Variants in PTCRA observed in about 807,000 individuals in gnomAD.
The protein encoded by PTCRA is pre T-cell antigen receptor alpha.
Under a neutral mutation model 13.4 loss-of-function variants are expected in PTCRA, and 9 were observed. The ratio of observed to expected loss-of-function variants is 0.67; its 90% confidence interval spans 0.41 to 1.18. PTCRA has a LOEUF of 1.18. Among genes scored for constraint, PTCRA ranks in the 50% most tolerant of loss-of-function variants. PTCRA has a pLI of 0.01. For synonymous variants in PTCRA, 153 were observed against 161.9 expected (o/e 0.94, Z 0.42); for missense variants, 353 against 359.8 (o/e 0.98, Z 0.15).
chr6:42,925,194 C>T lies in PTCRA; in HGVS notation c.425-67C>T, dbSNP rs1336861374. The stretch of plus-strand genomic sequence containing the variant: ...GCAAGGGCAGAGGACAAGGCCCTCT[C>T]CGCCGTTCTCTCCTGGGGTAGGGGG... On this transcript the variant is annotated intron_variant, in intron 3 of 3. Coordinates refer to ENST00000304672, the MANE Select transcript of PTCRA (RefSeq NM_138296.3). The surrounding 1 kb of genome is among the most constrained non-coding windows in gnomAD (Gnocchi z 4.4). The T allele has an allele frequency of 2.0e-6, 3 of 1,515,622 alleles. No homozygotes were observed. The highest frequency in any genetic ancestry group is 2.6e-6 in the Non-Finnish European group (3 of 1,135,948). The allele number at this position is 1,515,622 out of a possible 1,614,324, so 93.9% of individuals were successfully genotyped here. A position where few individuals can be genotyped will look rare whatever the true frequency, so the allele number is the denominator to read the frequency against.
At chr6:42,920,305 G>A (rs1767091884) in intron 1 of PTCRA, among the ~76,000 whole-genome samples, 2 of 151,642 alleles carry the variant, frequency 1.3e-5, no homozygotes, top group Admixed American at 6.6e-5. Flanking sequence ...GGGCGACAGA[G>A]AGAGACTCCG....
At chr6:42,923,404 A>G in intron 2 of PTCRA, 57 bp downstream of exon 2, 1 of 1,535,506 alleles carries the variant, frequency 6.5e-7, no homozygotes, top group South Asian at 1.1e-5. Context: ...ACACACCAGG[A>G]TATGGTTGGA....
At position 42,916,067 on chromosome 6, in the gene PTCRA, G is replaced by C; in HGVS notation, c.-3G>C. On this transcript the variant is annotated 5_prime_UTR_variant, in exon 1 of 4. Transcript: ENST00000304672. Reference sequence around the variant, plus strand: ...CTGGGTCCTGCCTCCTTCCGAGTGGGCCATGGCCGGTACATGGCTGCTACT... The same window carrying C: ...CTGGGTCCTGCCTCCTTCCGAGTGGCCCATGGCCGGTACATGGCTGCTACT... The C allele has an allele frequency of 6.2e-7, 1 of 1,613,874 alleles. No homozygotes were observed. The highest frequency in any genetic ancestry group is 8.5e-7 in the Non-Finnish European group (1 of 1,179,868).
In PTCRA at chr6:42,923,035, G is replaced by A. The variant is rs768821077; in HGVS notation, c.67G>A (p.Gly23Ser). ...TACATGCTCTCTTGCAGGTGTGGGC[G>A]GCACACCCTTTCCTTCTCTGGCCCC... ...GCPALPTGVG[G>S]TPFPSLAPPI... is the part of the protein sequence containing the mutation. The change falls in exon 2 of 4, where the codon GGC becomes AGC. Residue 23 changes from glycine (G) to serine (S), a missense_variant. Gly to Ser is a moderately conservative substitution (Grantham distance 56). Coordinates refer to ENST00000304672, the MANE Select transcript of PTCRA (RefSeq NM_138296.3). The A allele has an allele frequency of 6.1e-5, 99 of 1,613,996 alleles. No homozygotes were observed. Among genetic ancestry groups the A allele is most frequent in the Non-Finnish European group, 8.1e-5 (95 of 1,180,006 alleles).
chr6:42,924,138 C>T, intron 2 of PTCRA, 91 bp from the exon 3 acceptor site: 1 of 1,162,966 alleles, frequency 8.6e-7, no homozygotes, highest in Non-Finnish European at 1.2e-6. Flanking sequence ...CGACACCCAC[C>T]CTGTGCCAGG....
intron 1 of PTCRA, among the ~76,000 whole-genome samples, chr6:42,920,188 C>T (rs533448060): frequency 1.3e-5 from 2 of 151,524 alleles, no homozygotes; most frequent in African/African-American, 2.4e-5. Flanking sequence ...GGCGTGTTGG[C>T]GGGCGCCTGT....
intron 1 of PTCRA, among the ~76,000 whole-genome samples, chr6:42,917,921 A>C (rs1766955995): frequency 6.6e-6 from 1 of 152,108 alleles, no homozygotes; most frequent in Admixed American, 6.6e-5. Context: ...ATAAATAAAT[A>C]AATACATACA....
Position 42,916,108 on chromosome 6 carries a change from G to A in PTCRA, c.39G>A (p.Gly13=). The part of the protein sequence containing the change: ...GTWLLLLLAL[G]CPALPTGVGG... ...GGCTGCTACTTCTCCTGGCCCTTGG[G>A]TGTCCAGCCCTACCCACAGGTGAGC... Residue 13 remains glycine (G), a synonymous_variant, in exon 1 of 4, where the codon GGG becomes GGA. Coordinates refer to ENST00000304672, the MANE Select transcript of PTCRA (RefSeq NM_138296.3). The A allele has an allele frequency of 6.2e-7, 1 of 1,614,046 alleles. No individual in the cohort carries two copies. Among genetic ancestry groups the A allele is most frequent in the Non-Finnish European group, 8.5e-7 (1 of 1,179,936 alleles).
intron 1 of PTCRA, among the ~76,000 whole-genome samples, chr6:42,920,636 A>G (rs1248178720): frequency 2.0e-5 from 3 of 151,876 alleles, no homozygotes; most frequent in East Asian, 2.0e-4. Context: ...CGTGTTAGCC[A>G]GGATGGTCTC....
intron 1 of PTCRA, among the ~76,000 whole-genome samples, chr6:42,919,156 C>G (rs573185990): frequency 6.7e-6 from 1 of 148,932 alleles, no homozygotes; most frequent in East Asian, 2.0e-4. Context: ...CCACCACGCC[C>G]GGCTAATTTT....
intron 1 of PTCRA, among the ~76,000 whole-genome samples, chr6:42,919,675 C>T (rs1213234546): frequency 6.8e-6 from 1 of 147,544 alleles, no homozygotes; most frequent in Non-Finnish European, 1.5e-5. Flanking sequence ...CATGATCATG[C>T]CATTGCACTC....
intron 1 of PTCRA, among the ~76,000 whole-genome samples, chr6:42,917,219 ATTATTATTAT>A (rs969643783): frequency 3.1e-5 from 4 of 129,204 alleles, no homozygotes; most frequent in African/African-American, 1.7e-4. Context: ...TATTATTATT[ATTATTATTAT>A]TATTTATTTT....
chr6:42,922,382 A>G (rs1000529191), intron 1 of PTCRA: 2 of 626,856 alleles, frequency 3.2e-6, no homozygotes, highest in Non-Finnish European at 5.7e-6. Context: ...AGGGGCTCGG[A>G]TATCATAGAC....
rs1338978736 is a variant in PTCRA, at chr6:42,925,115, C to G, written c.425-146C>G. 4 of 1,038,508 alleles carry G rather than the reference C, an allele frequency of 3.9e-6. No individual in the cohort carries two copies. In the African/African-American group the frequency reaches 6.4e-5, roughly 17 times the overall value. The allele number at this position is 1,038,508 out of a possible 1,614,324, so 64.3% of individuals were successfully genotyped here. A position where few individuals can be genotyped will look rare whatever the true frequency, so the allele number is the denominator to read the frequency against. ...AGGTATGTATTATTACCAGTAAGAA[C>G]GGAGGCTAGACACCGGGAAGGACTT... On this transcript the variant is annotated intron_variant, in intron 3 of 3. Coordinates refer to ENST00000304672, the MANE Select transcript of PTCRA (RefSeq NM_138296.3). The surrounding 1 kb of genome is among the most constrained non-coding windows in gnomAD (Gnocchi z 4.4).
In PTCRA at chr6:42,920,898, G is replaced by A. The variant is rs372020874; in HGVS notation, c.59-2129G>A. Reference sequence around the variant, plus strand: ...CTGCAACCTTTGCCCGGGTTCAAGCGATTCTTGTGCCTCAGTCTCCAGAGT... The same window carrying A: ...CTGCAACCTTTGCCCGGGTTCAAGCAATTCTTGTGCCTCAGTCTCCAGAGT... On this transcript the variant is annotated intron_variant, in intron 1 of 3. Transcript: ENST00000304672. Among the ~76,000 whole-genome samples, 299 of 150,488 alleles carry A rather than the reference G, an allele frequency of 2.0e-3. 4 individuals are homozygous for A. The highest frequency in any genetic ancestry group is 6.5e-3 in the African/African-American group (267 of 40,822).
intron 1 of PTCRA, among the ~76,000 whole-genome samples, chr6:42,916,443 C>T (rs1486530835): frequency 6.6e-6 from 1 of 152,178 alleles, no homozygotes; most frequent in Non-Finnish European, 1.5e-5. Flanking sequence ...TGAGAACAAA[C>T]TGGATGGACA....
At chr6:42,921,085 C>G (rs150380519) in intron 1 of PTCRA, among the ~76,000 whole-genome samples, 1 of 151,278 alleles carries the variant, frequency 6.6e-6, no homozygotes, top group Non-Finnish European at 1.5e-5. Flanking sequence ...GCATGAACCA[C>G]CACACCCAGC....
chr6:42,921,016 C>T (rs1234911073), intron 1 of PTCRA, among the ~76,000 whole-genome samples: 4 of 151,960 alleles, frequency 2.6e-5, no homozygotes, highest in African/African-American at 4.8e-5. Context: ...AGGGTGTTCT[C>T]GAACTCCTGA....
Position 42,925,167 on chromosome 6 carries a change from G to T in PTCRA, c.425-94G>T, listed in dbSNP as rs577264627. 2.0e-6 allele frequency: 3 copies of T among 1,467,208 alleles called. No homozygotes were observed. Among genetic ancestry groups the T allele is most frequent in the African/African-American group, 2.8e-5 (2 of 71,480 alleles). 90.9% of individuals were successfully genotyped at this position (1,467,208 alleles called of 1,614,324 possible). Reference sequence around the variant, plus strand: ...CCCTGGAGGAGGGGGTGAAGGGGACGGGCAAGGGCAGAGGACAAGGCCCTC... The same window carrying T: ...CCCTGGAGGAGGGGGTGAAGGGGACTGGCAAGGGCAGAGGACAAGGCCCTC... On this transcript the variant is annotated intron_variant, in intron 3 of 3. Transcript: ENST00000304672. This position sits in a 1 kb window ranked among gnomAD's most constrained non-coding sequence, Gnocchi z 4.4.
Sources: gnomAD v4.1 joint callset for allele counts (sites outside exome capture counted in the v4.1 genomes callset) on GRCh38, gnomAD v4.1.1 for gene constraint, Gnocchi (gnomAD v3.1) non-coding constraint, MANE v1.5 for transcripts, NCBI Gene and HGNC (gene_info 2026-07-23, HGNC 2026-07-21) for gene names.